FRMD6: variants seen among roughly 807,000 people sequenced by gnomAD.
FRMD6 encodes the protein FERM domain-containing protein 6.
Under a neutral mutation model 73.2 loss-of-function variants are expected in FRMD6, and 37 were observed. That is an observed-to-expected ratio of 0.51 (90% CI 0.39 to 0.66). The LOEUF (loss-of-function observed/expected upper bound fraction) is 0.66, where lower values mean the gene tolerates loss of function less well. Among genes scored for constraint, FRMD6 ranks in the 30% least tolerant of loss-of-function variants. The probability of loss-of-function intolerance (pLI) is 0.00; values close to 1 mark genes in which losing one functional copy is unlikely to be tolerated. For synonymous variants in FRMD6, 273 were observed against 282.2 expected (o/e 0.97, Z 0.33); for missense variants, 714 against 780.5 (o/e 0.91, Z 1.02).
At chr14:51,596,010 G>A (rs565557998) in intron 2 of FRMD6, among the ~76,000 whole-genome samples, 22 of 152,190 alleles carry the variant, frequency 1.4e-4, no homozygotes, top group South Asian at 8.3e-4. Context: ...ATAGCCACCC[G>A]CTGTTTTCTA....
chr14:51,711,667 G>A, intron 8 of FRMD6, 71 bp downstream of exon 8: 1 of 1,094,786 alleles, frequency 9.1e-7, no homozygotes, highest in Non-Finnish European at 1.4e-6. Flanking sequence ...CTGTGGTCCT[G>A]CCACAGGTTC....
intron 1 of FRMD6, among the ~76,000 whole-genome samples, chr14:51,687,465 TATA>T (rs1895244537): frequency 6.6e-6 from 1 of 152,160 alleles, no homozygotes; most frequent in Non-Finnish European, 1.5e-5. Context: ...TGTCATGAAA[TATA>T]ATATTTGATA....
At chr14:51,640,591 T>C (rs1891766695) in intron 2 of FRMD6, among the ~76,000 whole-genome samples, 1 of 152,262 alleles carries the variant, frequency 6.6e-6, no homozygotes, top group African/African-American at 2.4e-5. Flanking sequence ...CAACTATTCT[T>C]CTTGGGTTTT....
At chr14:51,473,669 T>G in the FRMD6 span, among the ~76,000 whole-genome samples, 1 of 152,178 alleles carries the variant, frequency 6.6e-6, no homozygotes, top group Admixed American at 6.5e-5. Flanking sequence ...TGGCTCTATC[T>G]CAGGGAGTTT....
rs1338121721 is a variant in FRMD6 at position 51,549,272 on chromosome 14, C to T, written c.-209-21076C>T. On this transcript the variant is annotated intron_variant, in intron 1 of 14. Coordinates refer to the FRMD6 transcript ENST00000356218. ...AAAGCGTGGTAAACCCCTGAAAAAA[C>T]GAAAGATGAAGTGAATATTTTTAAA... Among the ~76,000 whole-genome samples the T allele has an allele frequency of 2.6e-5, 4 of 152,070 alleles. No homozygotes were observed. The South Asian group carries it at 6.2e-4, about 24-fold the overall frequency.
the FRMD6 span, among the ~76,000 whole-genome samples, chr14:51,483,273 T>C: frequency 2.6e-5 from 4 of 152,034 alleles, no homozygotes; most frequent in Non-Finnish European, 5.9e-5. Flanking sequence ...AACAAGAGAG[T>C]TGAGGTCTCT....
intron 2 of FRMD6, among the ~76,000 whole-genome samples, chr14:51,612,052 A>G (rs1351189279): frequency 6.6e-6 from 1 of 152,164 alleles, no homozygotes; most frequent in Non-Finnish European, 1.5e-5. Flanking sequence ...TCTTCTATTT[A>G]TTTTTATAGT....
chr14:51,633,934 C>T (rs1015037913), intron 2 of FRMD6, among the ~76,000 whole-genome samples: 8 of 152,114 alleles, frequency 5.3e-5, no homozygotes, highest in African/African-American at 1.2e-4. Context: ...TCCATTTCTT[C>T]GGTACTTTCA....
chr14:51,558,206 C>T (rs1386756577), intron 1 of FRMD6, among the ~76,000 whole-genome samples: 1 of 152,108 alleles, frequency 6.6e-6, no homozygotes, highest in African/African-American at 2.4e-5. Flanking sequence ...CGATGGCTCA[C>T]ACCTGTAATC....
At chr14:51,635,646 T>C (rs774121646) in intron 2 of FRMD6, among the ~76,000 whole-genome samples, 5 of 152,236 alleles carry the variant, frequency 3.3e-5, no homozygotes, top group Non-Finnish European at 7.3e-5. Context: ...GCAGTCAGAC[T>C]GGGTTGAAAT....
intron 2 of FRMD6, among the ~76,000 whole-genome samples, chr14:51,596,219 G>T (rs1889703314): frequency 6.6e-6 from 1 of 151,208 alleles, no homozygotes; most frequent in South Asian, 2.1e-4. Context: ...CAGTTTTTTG[G>T]AATTGTGGAA....
At chr14:51,612,350 C>G (rs989738786) in intron 2 of FRMD6, among the ~76,000 whole-genome samples, 1 of 152,202 alleles carries the variant, frequency 6.6e-6, no homozygotes, top group Non-Finnish European at 1.5e-5. Context: ...CACTCCATCT[C>G]TCTGTACAAA....
intron 1 of FRMD6, among the ~76,000 whole-genome samples, chr14:51,668,226 T>G (rs1313287322): frequency 1.3e-5 from 2 of 152,206 alleles, no homozygotes; most frequent in African/African-American, 4.8e-5. Context: ...GAAAGGGATA[T>G]GAAAGTAAAG....
chr14:51,714,288 C>T (rs773179725), intron 9 of FRMD6: 3 of 149,082 alleles, frequency 2.0e-5, no homozygotes, highest in African/African-American at 7.7e-5. Flanking sequence ...ACTGGTAGTT[C>T]CTTTAAAATG....
At chr14:51,515,541 G>T (rs1307724790) in intron 1 of FRMD6, among the ~76,000 whole-genome samples, 2 of 152,152 alleles carry the variant, frequency 1.3e-5, no homozygotes, top group Admixed American at 1.3e-4. Context: ...CAGTATCTTG[G>T]TGTGGCAGAA....
At chr14:51,597,470 A>C (rs1383686321) in intron 2 of FRMD6, among the ~76,000 whole-genome samples, 1 of 152,172 alleles carries the variant, frequency 6.6e-6, no homozygotes, top group East Asian at 1.9e-4. Flanking sequence ...CAAAAGGAAC[A>C]GGAGTGAGCA....
At chr14:51,402,521 C>T in the FRMD6 span, among the ~76,000 whole-genome samples, 1 of 152,214 alleles carries the variant, frequency 6.6e-6, no homozygotes, top group African/African-American at 2.4e-5. Flanking sequence ...TAAGATATGA[C>T]TTGCTCCTCC....
intron 1 of FRMD6, among the ~76,000 whole-genome samples, chr14:51,490,473 A>G (rs1882928656): frequency 6.6e-6 from 1 of 152,212 alleles, no homozygotes; most frequent in African/African-American, 2.4e-5. Context: ...TGGGTCATTT[A>G]AAAATGCATC....
chr14:51,599,368 A>G (rs1361050751), intron 2 of FRMD6, among the ~76,000 whole-genome samples: 1 of 152,148 alleles, frequency 6.6e-6, no homozygotes, highest in African/African-American at 2.4e-5. Flanking sequence ...TTTAAACATA[A>G]GGCCACAAAG....
Sources: gnomAD v4.1 joint callset for allele counts (sites outside exome capture counted in the v4.1 genomes callset) on GRCh38, gnomAD v4.1.1 for gene constraint, MANE v1.5 for transcripts, NCBI Gene and HGNC (gene_info 2026-07-23, HGNC 2026-07-21) for gene names.